The following ANO3 variants were observed in gnomAD, a reference collection of about 807,000 sequenced individuals.
The protein encoded by ANO3 is anoctamin 3.
In ANO3, 99 loss-of-function variants were observed where a neutral mutation model predicts 144.8. That is an observed-to-expected ratio of 0.68 (90% CI 0.58 to 0.81). The LOEUF (loss-of-function observed/expected upper bound fraction) is 0.81, where lower values mean the gene tolerates loss of function less well. Ranked by LOEUF, ANO3 falls within the 30% of genes least tolerant of loss-of-function variation. The pLI, the probability that ANO3 is intolerant of heterozygous loss-of-function variation, is 0.00. For synonymous variants in ANO3, 414 were observed against 392.6 expected (o/e 1.05, Z -0.64); for missense variants, 905 against 1,202.2 (o/e 0.75, Z 3.66).
At chr11:26,299,003 A>AC (rs1391357641) in intron 1 of ANO3, among the ~76,000 whole-genome samples, 1 of 146,236 alleles carries the variant, frequency 6.8e-6, no homozygotes, top group Non-Finnish European at 1.6e-5. Context: ...CTGGAGTTAG[A>AC]AAAAGAGATC....
At chr11:26,355,818 C>G (rs754077232) in intron 1 of ANO3, among the ~76,000 whole-genome samples, 4 of 152,234 alleles carry the variant, frequency 2.6e-5, no homozygotes, top group Non-Finnish European at 2.9e-5. Context: ...CCTTGGCCTC[C>G]CAAAGTGCTG....
At chr11:26,657,694 T>C (rs775016692) in intron 26 of ANO3, among the ~76,000 whole-genome samples, 7 of 152,148 alleles carry the variant, frequency 4.6e-5, no homozygotes, top group Non-Finnish European at 1.0e-4. Context: ...AAATACATAG[T>C]ATTAATTTGA....
intron 14 of ANO3, among the ~76,000 whole-genome samples, chr11:26,577,791 A>T (rs1487765119): frequency 3.3e-5 from 5 of 152,198 alleles, no homozygotes; most frequent in Non-Finnish European, 7.3e-5. Context: ...CTGAAACAAG[A>T]GCTAGAGAGT....
At chr11:26,345,747 C>T (rs1349236297) in intron 1 of ANO3, among the ~76,000 whole-genome samples, 3 of 152,112 alleles carry the variant, frequency 2.0e-5, no homozygotes, top group African/African-American at 4.8e-5. Flanking sequence ...TGTCTTAAAG[C>T]CATGGGAGAA....
At chr11:26,640,010 T>C (rs1334290289) in intron 21 of ANO3, among the ~76,000 whole-genome samples, 3 of 128,276 alleles carry the variant, frequency 2.3e-5, no homozygotes, top group African/African-American at 7.7e-5. Flanking sequence ...TATCAAATTA[T>C]ATTCTTTTTT....
rs139756651 is a variant in ANO3, at chr11:26,278,463, G to C, written c.155-31182G>C. Among the ~76,000 whole-genome samples, 458 of 152,170 alleles carry C rather than the reference G, an allele frequency of 3.0e-3. 4 individuals carry two copies. The highest frequency in any genetic ancestry group is 0.01 in the African/African-American group (435 of 41,538). ...TTTGGAATGTGATCCAATTAAGACTGGGTTTTTTAAATTTTTTATGGAGTG... is the reference window on the plus strand; with the variant it reads ...TTTGGAATGTGATCCAATTAAGACTCGGTTTTTTAAATTTTTTATGGAGTG... On this transcript the variant is annotated intron_variant, in intron 1 of 27. Transcript: ENST00000672621.
At chr11:26,213,084 C>T (rs924954708) in intron 1 of ANO3, among the ~76,000 whole-genome samples, 1 of 152,132 alleles carries the variant, frequency 6.6e-6, no homozygotes, top group African/African-American at 2.4e-5. Flanking sequence ...TTTAACACCC[C>T]TTCATGTTAA....
chr11:26,379,546 CTGAGGTGGGTGGATTGCT>C (rs1255830255), intron 1 of ANO3, among the ~76,000 whole-genome samples: 2 of 151,936 alleles, frequency 1.3e-5, no homozygotes, highest in African/African-American at 4.8e-5. Context: ...CTTTAGGAGG[CTGAGGTGGGTGGATTGCT>C]TGAGCACAGG....
chr11:26,441,107 T>G (rs1004818226), intron 1 of ANO3, among the ~76,000 whole-genome samples: 4 of 64,846 alleles, frequency 6.2e-5, no homozygotes, highest in Non-Finnish European at 9.3e-5. Flanking sequence ...TGCTGCCCAG[T>G]TTTTTTTTTT....
At chr11:26,654,738 T>C (rs1853631910) in intron 24 of ANO3, among the ~76,000 whole-genome samples, 2 of 152,206 alleles carry the variant, frequency 1.3e-5, no homozygotes, top group African/African-American at 4.8e-5. Context: ...TATGTATTTA[T>C]GTAGATATTC....
At chr11:26,455,753 C>T (rs1859128794) in intron 3 of ANO3, among the ~76,000 whole-genome samples, 2 of 150,874 alleles carry the variant, frequency 1.3e-5, no homozygotes, top group Non-Finnish European at 3.0e-5. Context: ...CAAAAAAGAG[C>T]CCGCATCGCC....
At chr11:26,210,482 A>G (rs1248318822) in intron 1 of ANO3, among the ~76,000 whole-genome samples, 1 of 152,108 alleles carries the variant, frequency 6.6e-6, no homozygotes, top group Non-Finnish European at 1.5e-5. Context: ...TTTTGGTTCC[A>G]TATAAAATTT....
intron 1 of ANO3, among the ~76,000 whole-genome samples, chr11:26,199,408 G>T (rs1851649736): frequency 6.6e-6 from 1 of 152,036 alleles, no homozygotes. Context: ...CTCCTCCAGG[G>T]GTCTCAGATT....
rs564399403 is a variant in ANO3 at position 26,508,412 on chromosome 11, C to T, written c.591+150C>T. 127 of 582,054 alleles carry T rather than the reference C, an allele frequency of 2.2e-4. No individual in the cohort carries two copies. In the African/African-American group the frequency reaches 2.3e-3, roughly 10 times the overall value. The allele number at this position is 582,054 out of a possible 1,614,324, so 36.1% of individuals were successfully genotyped here. ...TGTTAAATAAATACATGCACATAGC[C>T]CTATTAAATATGTATTCACTTTTTA... On this transcript the variant is annotated intron_variant, in intron 5 of 26. Transcript: ENST00000256737.
chr11:26,602,658 G>A (rs1380718758), intron 17 of ANO3, among the ~76,000 whole-genome samples: 1 of 150,082 alleles, frequency 6.7e-6, no homozygotes, highest in African/African-American at 2.5e-5. Flanking sequence ...AGGCTGAGGT[G>A]GGAGGGTCAG....
At chr11:26,241,848 A>T (rs927741426) in intron 1 of ANO3, among the ~76,000 whole-genome samples, 1 of 152,196 alleles carries the variant, frequency 6.6e-6, no homozygotes, top group African/African-American at 2.4e-5. Flanking sequence ...TTTCCTACCC[A>T]GGCAGTATCT....
chr11:26,349,704 G>A (rs892702479), intron 1 of ANO3, among the ~76,000 whole-genome samples: 2 of 151,846 alleles, frequency 1.3e-5, no homozygotes, highest in South Asian at 2.1e-4. Flanking sequence ...GCCCGCCACC[G>A]AGCCCGGCTA....
intron 1 of ANO3, among the ~76,000 whole-genome samples, chr11:26,194,351 C>A (rs1851536537): frequency 6.6e-6 from 1 of 151,334 alleles, no homozygotes; most frequent in African/African-American, 2.4e-5. Context: ...TTCATTTTAA[C>A]ATTAAAGAAG....
intron 17 of ANO3, among the ~76,000 whole-genome samples, chr11:26,601,219 G>A (rs565506614): frequency 3.2e-4 from 49 of 152,212 alleles, no homozygotes; most frequent in African/African-American, 1.1e-3. Context: ...TAATAAGGTT[G>A]GTATTATAGA....
Sources: gnomAD v4.1 joint callset for allele counts (sites outside exome capture counted in the v4.1 genomes callset) on GRCh38, gnomAD v4.1.1 for gene constraint, MANE v1.5 for transcripts, NCBI Gene and HGNC (gene_info 2026-07-23, HGNC 2026-07-21) for gene names.